Variants in ADGRG6 observed in about 807,000 individuals in gnomAD.
ADGRG6 encodes the protein G-protein coupled receptor 126.
A neutral mutation model predicts 142.4 loss-of-function variants in ADGRG6; 84 were observed. That is an observed-to-expected ratio of 0.59 (90% CI 0.49 to 0.71). ADGRG6 has a LOEUF of 0.71. ADGRG6 is among the 30% of genes least tolerant of loss of function. ADGRG6 has a pLI of 0.00. For missense variants in ADGRG6, 1,367 were observed against 1,466.6 expected, an observed-to-expected ratio of 0.93 and a Z score of 1.11; for synonymous variants, 521 against 520.5, an observed-to-expected ratio of 1.00 and a Z score of -0.01.
chr6:142,330,101 G>T (rs1245008980), intron 2 of ADGRG6, among the ~76,000 whole-genome samples: 1 of 151,812 alleles, frequency 6.6e-6, no homozygotes, highest in Non-Finnish European at 1.5e-5. Context: ...AAAGGGAGAG[G>T]TTAAGAATTA....
chr6:142,397,749 C>G lies in ADGRG6; in HGVS notation c.1561C>G (p.Gln521Glu), dbSNP rs773806984. ...GLRLHTVNVR[Q>E]LGHCLAMEEP... ...GAGGCTACATACAGTGAATGTGAGACAACTGGGTAAGTGACTAATTTTTTT... is the reference window on the plus strand; with the variant it reads ...GAGGCTACATACAGTGAATGTGAGAGAACTGGGTAAGTGACTAATTTTTTT... The change falls in exon 10 of 25, where the codon CAA (glutamine) becomes GAA (glutamate). Residue 521 changes from glutamine (Q) to glutamate (E), a missense_variant. Around this residue, in one of 3 missense-constraint regions of ADGRG6, gnomAD observed 737 missense variants for 746.5 expected, o/e 0.99. Transcript: ENST00000367609. The G allele has an allele frequency of 1.9e-6, 3 of 1,562,906 alleles. No individual in the cohort carries two copies. In the South Asian group the frequency reaches 3.7e-5, roughly 19 times the overall value.
chr6:142,324,379 T>G (rs1778660767), intron 2 of ADGRG6, among the ~76,000 whole-genome samples: 1 of 152,090 alleles, frequency 6.6e-6, no homozygotes, highest in Non-Finnish European at 1.5e-5. Context: ...TTTTCTAAGC[T>G]ATTTCCACTA....
chr6:142,431,663 G>A (rs972221220), intron 22 of ADGRG6, among the ~76,000 whole-genome samples: 8 of 152,186 alleles, frequency 5.3e-5, no homozygotes, highest in East Asian at 1.9e-4. Context: ...GGTGGCTCAC[G>A]CATGTAATCC....
chr6:142,306,320 G>A (rs148712149), intron 1 of ADGRG6, among the ~76,000 whole-genome samples: 1 of 152,294 alleles, frequency 6.6e-6, no homozygotes, highest in African/African-American at 2.4e-5. Context: ...AAGCAATTCT[G>A]TAGAAGGGTT....
chr6:142,408,225 C>T lies in ADGRG6; in HGVS notation c.2344C>T (p.Leu782=). The T allele has an allele frequency of 1.3e-6, 2 of 1,581,084 alleles. No homozygotes were observed. Among genetic ancestry groups the T allele is most frequent in the Non-Finnish European group, 8.6e-7 (1 of 1,160,198 alleles). The stretch of plus-strand genomic sequence containing the variant: ...TATTGGAAACATTACTATCCAGAAT[C>T]TGAAGGATCCTGTTCAAATAAAAAT... The part of the protein sequence containing the change: ...CSIGNITIQN[L]KDPVQIKIKH... Residue 782 remains leucine, a synonymous_variant, in exon 16 of 25, where the codon CTG becomes TTG. Transcript: ENST00000367609.
intron 18 of ADGRG6, among the ~76,000 whole-genome samples, chr6:142,412,961 G>A (rs755890667): frequency 1.3e-5 from 2 of 151,792 alleles, no homozygotes; most frequent in African/African-American, 2.4e-5. Flanking sequence ...TTCATATATT[G>A]TCTAAATTTT....
chr6:142,415,932 C>T lies in ADGRG6; in HGVS notation c.2806C>T (p.Leu936=), dbSNP rs1182727156. The change falls in exon 20 of 25, where the codon CTG becomes TTG. Residue 936 remains leucine (L), a synonymous_variant. Coordinates refer to ENST00000367609, the MANE Select transcript of ADGRG6 (RefSeq NM_198569.3). Reference sequence around the variant, plus strand: ...TGGACTTTGCATTGCTGTTGCAGTCCTGTTGCATTTCTTCCTTCTGGCAAC... The same window carrying T: ...TGGACTTTGCATTGCTGTTGCAGTCTTGTTGCATTTCTTCCTTCTGGCAAC... The part of the protein sequence containing the change: ...VDGLCIAVAV[L]LHFFLLATFT... The T allele has an allele frequency of 3.7e-6, 6 of 1,613,566 alleles. No homozygotes were observed. The highest frequency in any genetic ancestry group is 3.4e-6 in the Non-Finnish European group (4 of 1,179,714).
Position 142,415,846 on chromosome 6 carries a change from C to T in ADGRG6, c.2720C>T (p.Ala907Val). 6.2e-7 allele frequency: 1 copy of T among 1,611,964 alleles called. No individual in the cohort carries two copies. Among genetic ancestry groups the T allele is most frequent in the East Asian group, 2.2e-5 (1 of 44,860 alleles). Residue 907 changes from alanine (A) to valine (V), a missense_variant, in exon 20 of 25, where the codon GCC becomes GTC. This residue lies in a region of ADGRG6 where 286 missense variants were observed against 371.4 expected (regional missense o/e 0.77). Transcript: ENST00000367609. ...AAAATCTTGATGAACCTGAGCACAG[C>T]CCTGCTGTTCCTGAATCTCCTCTTC... ...PSKILMNLST[A>V]LLFLNLLFLL...
At chr6:142,430,413 G>A (rs1466430695) in intron 22 of ADGRG6, among the ~76,000 whole-genome samples, 1 of 152,088 alleles carries the variant, frequency 6.6e-6, no homozygotes, top group Non-Finnish European at 1.5e-5. Flanking sequence ...GCATTGCCTC[G>A]AATTTTACTG....
chr6:142,305,235 G>A (rs192179823), intron 1 of ADGRG6, among the ~76,000 whole-genome samples: 242 of 152,202 alleles, frequency 1.6e-3, no homozygotes, highest in African/African-American at 5.7e-3. Flanking sequence ...ACAGTGATAT[G>A]TTTCAATGTA....
intron 22 of ADGRG6, among the ~76,000 whole-genome samples, chr6:142,433,743 A>G (rs1391283493): frequency 6.6e-6 from 1 of 152,198 alleles, no homozygotes; most frequent in Non-Finnish European, 1.5e-5. Context: ...ATATTTATTA[A>G]TGCTTTTCTT....
chr6:142,396,044 A>C (rs1441466184), intron 9 of ADGRG6, among the ~76,000 whole-genome samples: 1 of 152,200 alleles, frequency 6.6e-6, no homozygotes, highest in Non-Finnish European at 1.5e-5. Flanking sequence ...AGAGGAAAAC[A>C]CACAGATAAG....
intron 2 of ADGRG6, among the ~76,000 whole-genome samples, chr6:142,336,101 A>T (rs1213975547): frequency 6.6e-6 from 1 of 152,204 alleles, no homozygotes; most frequent in East Asian, 1.9e-4. Flanking sequence ...TCTGCATGAT[A>T]GCAGTGCCTC....
chr6:142,373,240 G>A (rs1781337668), intron 4 of ADGRG6, among the ~76,000 whole-genome samples: 2 of 152,178 alleles, frequency 1.3e-5, no homozygotes, highest in African/African-American at 4.8e-5. Flanking sequence ...ATCATAAACA[G>A]GATTAGATAT....
intron 6 of ADGRG6, 57 bp from the exon 7 acceptor site, chr6:142,390,201 A>T (rs1447891311): frequency 2.7e-6 from 2 of 745,650 alleles, no homozygotes; most frequent in African/African-American, 3.7e-5. Flanking sequence ...AAATTGTTTG[A>T]TAATTATATA....
At chr6:142,342,996 G>T (rs934333804) in intron 2 of ADGRG6, among the ~76,000 whole-genome samples, 1 of 150,522 alleles carries the variant, frequency 6.6e-6, no homozygotes, top group Non-Finnish European at 1.5e-5. Context: ...TATAAAACTG[G>T]GTAAAAGTTT....
At chr6:142,382,957 ATAT>A (rs1407643593) in intron 5 of ADGRG6, among the ~76,000 whole-genome samples, 1 of 151,922 alleles carries the variant, frequency 6.6e-6, no homozygotes, top group African/African-American at 2.4e-5. Context: ...TATTTCTTTG[ATAT>A]TATTATTAAT....
At position 142,379,844 on chromosome 6, in the gene ADGRG6, A is replaced by G. The variant is rs553985892; in HGVS notation, c.1070-2107A>G. On this transcript the variant is annotated intron_variant, in intron 4 of 24. Transcript: ENST00000367609. ...CTGAGACAGGTTTCAATTAGTTTAG[A>G]AAGTTTATTTTTCCGAAGTTAAGGA... 2.7e-4 allele frequency among the ~76,000 whole-genome samples: 41 copies of G among 152,292 alleles called. No homozygotes were observed. In the South Asian group the frequency reaches 6.8e-3, roughly 25 times the overall value.
chr6:142,390,801 T>A (rs911187461), intron 7 of ADGRG6, among the ~76,000 whole-genome samples: 1 of 151,840 alleles, frequency 6.6e-6, no homozygotes, highest in African/African-American at 2.4e-5. Context: ...GAAATCACTA[T>A]TAGTTTTCTC....
Sources: allele counts gnomAD v4.1 joint callset (sites outside exome capture counted in the v4.1 genomes callset), GRCh38; gene constraint gnomAD v4.1.1; regional missense constraint gnomAD v4.1.1; transcripts MANE v1.5; gene names NCBI Gene and HGNC (gene_info 2026-07-23, HGNC 2026-07-21).